MALRD1: variants seen among roughly 807,000 people sequenced by gnomAD.
MALRD1 encodes MAM and LDL-receptor class A domain-containing protein 1.
In MALRD1, 247 loss-of-function variants were observed where a neutral mutation model predicts 242.1. The ratio of observed to expected loss-of-function variants is 1.02; its 90% CI spans 0.92 to 1.13. The LOEUF (loss-of-function observed/expected upper bound fraction) is 1.13. Ranked by LOEUF, MALRD1 falls within the 50% of genes most tolerant of loss-of-function variation. The probability of loss-of-function intolerance (pLI) is 0.00; values close to 1 mark genes in which losing one functional copy is unlikely to be tolerated. For missense variants in MALRD1, 2,989 were observed against 2,533.1 expected (o/e 1.18, Z -3.86); for synonymous variants, 995 against 866.6 (o/e 1.15, Z -2.60).
At chr10:19,395,291 A>C (rs776258954) in intron 28 of MALRD1, among the ~76,000 whole-genome samples, 1 of 152,320 alleles carries the variant, frequency 6.6e-6, no homozygotes, top group East Asian at 1.9e-4. Context: ...CATGTGCCCA[A>C]GGTGGTCCGA....
chr10:19,389,682 C>A, intron 28 of MALRD1, 73 bp downstream of exon 28: 1 of 1,429,908 alleles, frequency 7.0e-7, no homozygotes, highest in South Asian at 1.4e-5. Context: ...CTCTGTCACT[C>A]AGGCTGCAGT....
Position 19,204,375 on chromosome 10 carries a change from T to G in MALRD1, c.2172T>G (p.Thr724=). ...LWQVAKLQSP[T]FSQTGPGCIL... The stretch of plus-strand genomic sequence containing the variant: ...AAGTTGCTAAGCTTCAGAGCCCAAC[T>G]TTCAGCCAGACAGGACCTGGATGCA... Residue 724 remains threonine (T), a synonymous_variant, in exon 16 of 40, where the codon ACT becomes ACG. Transcript: ENST00000454679. The G allele has an allele frequency of 1.3e-6, 2 of 1,540,694 alleles. No individual in the cohort carries two copies. Among genetic ancestry groups the G allele is most frequent in the Non-Finnish European group, 1.8e-6 (2 of 1,141,982 alleles).
chr10:19,251,825 A>G (rs576587204), intron 18 of MALRD1, among the ~76,000 whole-genome samples: 94 of 152,088 alleles, frequency 6.2e-4, no homozygotes, highest in Non-Finnish European at 1.1e-3. Flanking sequence ...ATTGGATCAT[A>G]GGGGCGAATT....
intron 38 of MALRD1, among the ~76,000 whole-genome samples, chr10:19,696,140 G>T (rs552144515): frequency 2.0e-5 from 3 of 152,126 alleles, no homozygotes; most frequent in African/African-American, 7.2e-5. Flanking sequence ...TGCTGCATCT[G>T]CATGAAGGAA....
chr10:19,594,321 A>T (rs922322476), intron 33 of MALRD1, among the ~76,000 whole-genome samples: 2 of 152,194 alleles, frequency 1.3e-5, no homozygotes, highest in African/African-American at 4.8e-5. Flanking sequence ...GGCCATAATT[A>T]AAAAGTCAGA....
At position 19,529,872 on chromosome 10, in the gene MALRD1, A is replaced by G. The variant is rs184349099; in HGVS notation, c.5321-1322A>G. On this transcript the variant is annotated intron_variant, in intron 31 of 39. Transcript: ENST00000454679. The stretch of plus-strand genomic sequence containing the variant: ...TTACAGGAATAAAAAGAAACATTAC[A>G]TAACATTATGTAGTAATAATTAGAT... Among the ~76,000 whole-genome samples the G allele has an allele frequency of 1.4e-4, 22 of 152,216 alleles. No individual in the cohort carries two copies. In the East Asian group the frequency reaches 3.5e-3, roughly 24 times the overall value.
At chr10:19,248,211 G>A (rs1195129999) in intron 18 of MALRD1, among the ~76,000 whole-genome samples, 1 of 151,938 alleles carries the variant, frequency 6.6e-6, no homozygotes, top group Non-Finnish European at 1.5e-5. Flanking sequence ...TATGGAGGAA[G>A]CTTTAGGCCA....
At chr10:19,230,661 AC>A (rs1838011526) in intron 18 of MALRD1, among the ~76,000 whole-genome samples, 1 of 152,150 alleles carries the variant, frequency 6.6e-6, no homozygotes, top group Admixed American at 6.6e-5. Context: ...ACCAAAGCTG[AC>A]AATGCTTAGG....
chr10:19,351,051 T>G (rs1051239855), intron 25 of MALRD1, among the ~76,000 whole-genome samples: 5 of 152,252 alleles, frequency 3.3e-5, no homozygotes. Context: ...AGTCACTGCA[T>G]GGCTCACCCA....
intron 38 of MALRD1, among the ~76,000 whole-genome samples, chr10:19,694,602 G>T (rs1253019359): frequency 6.6e-6 from 1 of 152,150 alleles, no homozygotes. Context: ...TGGAGAAATA[G>T]GAACAGTTTT....
intron 31 of MALRD1, among the ~76,000 whole-genome samples, chr10:19,527,565 GAATT>G (rs1834159756): frequency 6.6e-6 from 1 of 152,094 alleles, no homozygotes; most frequent in Non-Finnish European, 1.5e-5. Context: ...TTTAAAGTCT[GAATT>G]AAATAGAATC....
At position 19,178,366 on chromosome 10, in the gene MALRD1, G is replaced by A. The variant is rs536405540; in HGVS notation, c.1951+3038G>A. On this transcript the variant is annotated intron_variant, in intron 14 of 39. Transcript: ENST00000454679. ...AGTTCAGTATTAGTAGTGAGCAGAAGTTTATGGAGAGAAACTGAAAGGAAT... is the reference window on the plus strand; with the variant it reads ...AGTTCAGTATTAGTAGTGAGCAGAAATTTATGGAGAGAAACTGAAAGGAAT... 8.9e-4 allele frequency among the ~76,000 whole-genome samples: 136 copies of A among 152,294 alleles called. 1 individual carries two copies. Among genetic ancestry groups the A allele is most frequent in the African/African-American group, 3.1e-3 (127 of 41,568 alleles).
chr10:19,266,011 C>G (rs1482630910), intron 19 of MALRD1, among the ~76,000 whole-genome samples: 2 of 151,588 alleles, frequency 1.3e-5, no homozygotes, highest in Non-Finnish European at 2.9e-5. Flanking sequence ...TATATTTTGT[C>G]TTATGTAAGT....
intron 28 of MALRD1, among the ~76,000 whole-genome samples, chr10:19,442,944 C>T (rs867970569): frequency 4.6e-5 from 7 of 151,994 alleles, no homozygotes; most frequent in Non-Finnish European, 5.9e-5. Context: ...GAATCCATCT[C>T]GTCCTGGACT....
chr10:19,121,133 T>C (rs958372710), intron 5 of MALRD1, among the ~76,000 whole-genome samples: 6 of 142,986 alleles, frequency 4.2e-5, no homozygotes, highest in African/African-American at 1.6e-4. Context: ...AACCTCCGCC[T>C]CCTGGGTTCA....
At chr10:19,474,520 A>G (rs1293387041) in intron 29 of MALRD1, among the ~76,000 whole-genome samples, 1 of 152,136 alleles carries the variant, frequency 6.6e-6, no homozygotes, top group Non-Finnish European at 1.5e-5. Context: ...AGTCTGTTGA[A>G]CAATGTCTTC....
At chr10:19,287,853 A>T (rs1026461760) in intron 21 of MALRD1, among the ~76,000 whole-genome samples, 8 of 152,066 alleles carry the variant, frequency 5.3e-5, no homozygotes, top group Non-Finnish European at 1.2e-4. Flanking sequence ...CTTGTTTTTT[A>T]TTAGGACTTG....
intron 26 of MALRD1, among the ~76,000 whole-genome samples, chr10:19,369,178 AATATATT>A (rs1564600195): frequency 2.2e-5 from 2 of 89,642 alleles, no homozygotes; most frequent in African/African-American, 8.7e-5. Flanking sequence ...TATATAAACT[AATATATT>A]ATATATAAGC....
rs1247773090 is a variant in MALRD1, at chr10:19,531,422, T to C, written c.5478+71T>C. 4 of 1,374,784 alleles carry C rather than the reference T, an allele frequency of 2.9e-6. No individual in the cohort carries two copies. The East Asian group carries it at 1.1e-4, about 36-fold the overall frequency. 85.2% of individuals were successfully genotyped at this position (1,374,784 alleles called of 1,614,324 possible). ...CATGTTTAAACATTGTCTTCCCTTG[T>C]CTTATTTGTATTTTTGTTGGTCACA... On this transcript the variant is annotated intron_variant, in intron 32 of 39. Transcript: ENST00000454679.
Sources: allele counts gnomAD v4.1 joint callset (sites outside exome capture counted in the v4.1 genomes callset), GRCh38; gene constraint gnomAD v4.1.1; transcripts MANE v1.5; gene names NCBI Gene and HGNC (gene_info 2026-07-23, HGNC 2026-07-21).